The following PDZRN3 variants were observed in gnomAD, a reference collection of about 807,000 sequenced individuals.
The protein encoded by PDZRN3 is PDZ domain containing ring finger 3, also known as E3 ubiquitin-protein ligase PDZRN3.
A neutral mutation model predicts 85.7 loss-of-function variants in PDZRN3; 38 were observed. The observed-to-expected ratio is 0.44, with a 90% CI of 0.34 to 0.58. PDZRN3 has a LOEUF of 0.58. Among genes scored for constraint, PDZRN3 ranks in the 20% least tolerant of loss-of-function variants. PDZRN3 has a pLI of 0.01. For synonymous variants in PDZRN3, 759 were observed against 638.0 expected (o/e 1.19, Z -2.86); for missense variants, 1,629 against 1,506.4 (o/e 1.08, Z -1.35).
intron 3 of PDZRN3, among the ~76,000 whole-genome samples, chr3:73,459,470 A>C (rs572252170): frequency 6.6e-5 from 10 of 152,026 alleles, no homozygotes; most frequent in Non-Finnish European, 1.5e-4. Context: ...CCAGTACCCA[A>C]TAGTTATTTT....
intron 3 of PDZRN3, among the ~76,000 whole-genome samples, chr3:73,595,500 T>C (rs1259676469): frequency 2.0e-5 from 3 of 152,130 alleles, no homozygotes; most frequent in Admixed American, 1.3e-4. Flanking sequence ...TTCCTGTGTA[T>C]AGTTAAGCAA....
At chr3:73,389,959 AAC>A in intron 6 of PDZRN3, 81 bp from the exon 7 acceptor site, 1 of 994,634 alleles carries the variant, frequency 1.0e-6, no homozygotes, top group Non-Finnish European at 1.6e-6. Flanking sequence ...CCATTTCTAA[AAC>A]ACAGTCATGC....
At chr3:73,552,160 T>C (rs895827240) in intron 3 of PDZRN3, among the ~76,000 whole-genome samples, 11 of 152,052 alleles carry the variant, frequency 7.2e-5, no homozygotes, top group African/African-American at 2.4e-4. Context: ...TCCCAGTTAC[T>C]CATCTCAGTA....
At chr3:73,425,834 C>T (rs989108362) in intron 3 of PDZRN3, among the ~76,000 whole-genome samples, 1 of 152,132 alleles carries the variant, frequency 6.6e-6, no homozygotes, top group South Asian at 2.1e-4. Flanking sequence ...CCTGAAAGCC[C>T]CCCAGATGTG....
At chr3:73,522,180 A>G (rs1180959627) in intron 3 of PDZRN3, among the ~76,000 whole-genome samples, 4 of 152,192 alleles carry the variant, frequency 2.6e-5, no homozygotes, top group Non-Finnish European at 5.9e-5. Flanking sequence ...AGACAGCATA[A>G]CCCACAAAGT....
At chr3:73,428,979 G>GCCTC (rs1351144091) in intron 3 of PDZRN3, among the ~76,000 whole-genome samples, 121 of 152,150 alleles carry the variant, frequency 8.0e-4, no homozygotes, top group African/African-American at 2.9e-3. Flanking sequence ...GTTCACTACA[G>GCCTC]CCTCCAACTC....
intron 3 of PDZRN3, among the ~76,000 whole-genome samples, chr3:73,521,789 A>T (rs1453382038): frequency 6.6e-6 from 1 of 152,150 alleles, no homozygotes; most frequent in African/African-American, 2.4e-5. Flanking sequence ...TTCCTGCCCA[A>T]ATTGGGGCTG....
intron 3 of PDZRN3, among the ~76,000 whole-genome samples, chr3:73,432,024 T>C (rs1044383030): frequency 2.6e-5 from 4 of 152,254 alleles, no homozygotes; most frequent in African/African-American, 9.6e-5. Context: ...TGTGCATTGA[T>C]GGTAAAAAGC....
chr3:73,408,585 A>C (rs1701900992), intron 3 of PDZRN3, among the ~76,000 whole-genome samples: 1 of 142,540 alleles, frequency 7.0e-6, no homozygotes, highest in Admixed American at 7.0e-5. Context: ...GGATTCTTGG[A>C]GGAGGGGGGG....
At chr3:73,520,018 A>G (rs531618464) in intron 3 of PDZRN3, among the ~76,000 whole-genome samples, 4 of 152,284 alleles carry the variant, frequency 2.6e-5, no homozygotes, top group African/African-American at 7.2e-5. Flanking sequence ...CAAAACCTGC[A>G]TCCCATCCAT....
At chr3:73,444,743 A>G (rs944023787) in intron 3 of PDZRN3, among the ~76,000 whole-genome samples, 15 of 152,188 alleles carry the variant, frequency 9.9e-5, no homozygotes, top group South Asian at 2.1e-4. Context: ...TAACTACAAT[A>G]TAACTCTTGG....
rs546109110 is a variant in PDZRN3 at position 73,598,904 on chromosome 3, T to C, written c.918+3450A>G. Among the ~76,000 whole-genome samples, 4 of 152,276 alleles carry C rather than the reference T, an allele frequency of 2.6e-5. No individual in the cohort carries two copies. In the South Asian group the frequency reaches 6.2e-4, roughly 24 times the overall value. On this transcript the variant is annotated intron_variant, in intron 3 of 9. Transcript: ENST00000263666. ...GTCCCTGTCACTCCCCAGTGGGAGT[T>C]TCAGCAATCTGCAGGGGCATTTTTC...
intron 3 of PDZRN3, among the ~76,000 whole-genome samples, chr3:73,521,151 T>C (rs1231091858): frequency 6.6e-6 from 1 of 152,154 alleles, no homozygotes; most frequent in African/African-American, 2.4e-5. Flanking sequence ...AATGTATGTT[T>C]TCCCTCAGGA....
chr3:73,528,548 C>G (rs1485989010), intron 3 of PDZRN3, among the ~76,000 whole-genome samples: 1 of 151,994 alleles, frequency 6.6e-6, no homozygotes, highest in Admixed American at 6.6e-5. Context: ...CTTTTATATG[C>G]GATTACGAAG....
intron 3 of PDZRN3, among the ~76,000 whole-genome samples, chr3:73,425,524 G>A (rs1289629120): frequency 1.3e-5 from 2 of 151,516 alleles, no homozygotes; most frequent in Non-Finnish European, 2.9e-5. Flanking sequence ...ATATAATCCT[G>A]TGAGTTAAAA....
intron 7 of PDZRN3, 113 bp downstream of exon 7, chr3:73,389,703 T>C: frequency 2.6e-6 from 2 of 777,666 alleles, no homozygotes; most frequent in Non-Finnish European, 4.6e-6. Context: ...TCTGCGTTTG[T>C]GATCCCTGTT....
chr3:73,493,603 C>T (rs1043253443), intron 3 of PDZRN3, among the ~76,000 whole-genome samples: 1 of 152,160 alleles, frequency 6.6e-6, no homozygotes, highest in African/African-American at 2.4e-5. Context: ...TCTGCCCGCC[C>T]TCATCCACTC....
chr3:73,475,223 C>T (rs761898508), intron 3 of PDZRN3, among the ~76,000 whole-genome samples: 9 of 152,194 alleles, frequency 5.9e-5, no homozygotes, highest in Admixed American at 6.5e-5. Context: ...ACCAAGAAGA[C>T]CCTGCAAAAA....
intron 1 of PDZRN3, among the ~76,000 whole-genome samples, chr3:73,609,110 G>A (rs1702645808): frequency 1.3e-5 from 2 of 152,104 alleles, no homozygotes; most frequent in Admixed American, 1.3e-4. Context: ...AATTCTTTCG[G>A]AAGTGTGAGT....
Sources: gnomAD v4.1 joint callset for allele counts (sites outside exome capture counted in the v4.1 genomes callset) on GRCh38, gnomAD v4.1.1 for gene constraint, MANE v1.5 for transcripts, NCBI Gene and HGNC (gene_info 2026-07-23, HGNC 2026-07-21) for gene names.